SVIL: variants seen among roughly 807,000 people sequenced by gnomAD.
SVIL encodes the protein supervillin.
In SVIL, 101 loss-of-function variants were observed where a neutral mutation model predicts 240.4. The ratio of observed to expected loss-of-function variants is 0.42; its 90% CI spans 0.36 to 0.50. The LOEUF (loss-of-function observed/expected upper bound fraction) is 0.50, where lower values mean the gene tolerates loss of function less well. Ranked by LOEUF, SVIL falls within the 20% of genes least tolerant of loss-of-function variation. The pLI is 0.01. For synonymous variants in SVIL, 999 were observed against 1,100.0 expected (o/e 0.91, Z 1.82); for missense variants, 2,512 against 2,818.7 (o/e 0.89, Z 2.46).
At chr10:29,539,583 G>T (rs73596043) in intron 6 of SVIL, among the ~76,000 whole-genome samples, 2 of 152,266 alleles carry the variant, frequency 1.3e-5, no homozygotes, top group South Asian at 4.1e-4. Flanking sequence ...CAGTGAACAC[G>T]CTGTCCTGGG....
intron 36 of SVIL, among the ~76,000 whole-genome samples, chr10:29,459,095 C>T (rs1254566656): frequency 6.7e-6 from 1 of 149,598 alleles, no homozygotes; most frequent in Non-Finnish European, 1.5e-5. Flanking sequence ...CAGGTGTGAA[C>T]CACCACACTT....
At chr10:29,688,269 G>A (rs1009707373) in intron 1 of SVIL, among the ~76,000 whole-genome samples, 1 of 152,220 alleles carries the variant, frequency 6.6e-6, no homozygotes, top group Admixed American at 6.5e-5. Context: ...TCTCCCCTCA[G>A]GGGATGATTG....
At chr10:29,503,610 C>A (rs10826649) in intron 17 of SVIL, among the ~76,000 whole-genome samples, 60,015 of 152,124 alleles carry the variant, frequency 0.39, 12,700 homozygotes, top group African/African-American at 0.54. Flanking sequence ...AGCTGGGAAA[C>A]ATTGTTCAGA....
chr10:29,619,612 C>T (rs1276705750), intron 1 of SVIL, among the ~76,000 whole-genome samples: 1 of 139,470 alleles, frequency 7.2e-6, no homozygotes, highest in East Asian at 2.1e-4. Context: ...AGCTTCGTGG[C>T]AATATCTATT....
chr10:29,457,993 T>G lies in SVIL; in HGVS notation c.*254A>C. 1 of 357,338 alleles carries G rather than the reference T, an allele frequency of 2.8e-6. No homozygotes were observed. The allele number at this position is 357,338 out of a possible 1,614,324, so 22.1% of individuals were successfully genotyped here. A position where few individuals can be genotyped will look rare whatever the true frequency, so the allele number is the denominator to read the frequency against. ...AGTGCTATCTATAGCAGCTGCGGCT[T>G]AAGTGCACATAACAGATACTTTTAT... is the stretch of plus-strand genomic sequence containing the variant. On this transcript the variant is annotated 3_prime_UTR_variant, in exon 38 of 38. Transcript: ENST00000355867.
intron 29 of SVIL, among the ~76,000 whole-genome samples, chr10:29,480,045 C>A (rs1457212946): frequency 7.2e-5 from 11 of 152,180 alleles, no homozygotes; most frequent in Non-Finnish European, 1.3e-4. Flanking sequence ...AAGCACCACC[C>A]GTGCTCTCAG....
chr10:29,646,316 G>A (rs893402768), intron 3 of SVIL, among the ~76,000 whole-genome samples: 29 of 152,178 alleles, frequency 1.9e-4, no homozygotes, highest in African/African-American at 7.0e-4. Flanking sequence ...CTTTGGGAAA[G>A]ATTTTCCTCA....
chr10:29,519,307 T>C, intron 16 of SVIL, among the ~76,000 whole-genome samples: 1 of 151,906 alleles, frequency 6.6e-6, no homozygotes, highest in Non-Finnish European at 1.5e-5. Context: ...CAGGGGAGAG[T>C]TGGAGACGTG....
At chr10:29,531,731 T>C (rs1421531679) in intron 9 of SVIL, among the ~76,000 whole-genome samples, 1 of 152,230 alleles carries the variant, frequency 6.6e-6, no homozygotes, top group Non-Finnish European at 1.5e-5. Context: ...TAAAAAACAT[T>C]AAAACCATTA....
At chr10:29,497,907 C>A (rs1948571587) in intron 18 of SVIL, among the ~76,000 whole-genome samples, 1 of 148,812 alleles carries the variant, frequency 6.7e-6, no homozygotes. Flanking sequence ...CATGGCAAAA[C>A]CCCGTCTCTA....
intron 16 of SVIL, among the ~76,000 whole-genome samples, chr10:29,517,648 C>T (rs1463593542): frequency 6.6e-6 from 1 of 152,152 alleles, no homozygotes; most frequent in African/African-American, 2.4e-5. Flanking sequence ...GCGGGAAACA[C>T]AGGAGCCTCC....
intron 1 of SVIL, among the ~76,000 whole-genome samples, chr10:29,717,040 T>C (rs1199710976): frequency 1.3e-5 from 2 of 151,970 alleles, no homozygotes; most frequent in African/African-American, 4.8e-5. Context: ...CCATCCTGGC[T>C]AACATGGTGA....
chr10:29,731,204 T>C (rs1043937521), intron 1 of SVIL, among the ~76,000 whole-genome samples: 1 of 152,238 alleles, frequency 6.6e-6, no homozygotes, highest in Non-Finnish European at 1.5e-5. Flanking sequence ...CTGTTGTTTC[T>C]GAACTGCGAG....
At chr10:29,565,860 T>C (rs1385566190) in intron 2 of SVIL, among the ~76,000 whole-genome samples, 1 of 152,114 alleles carries the variant, frequency 6.6e-6, no homozygotes, top group Non-Finnish European at 1.5e-5. Context: ...TTCACTGTAC[T>C]CCAGCCTGGG....
At chr10:29,674,439 C>G (rs1960046065) in intron 2 of SVIL, among the ~76,000 whole-genome samples, 1 of 152,140 alleles carries the variant, frequency 6.6e-6, no homozygotes, top group African/African-American at 2.4e-5. Context: ...GAGGAGACAA[C>G]AGCAAAGCAA....
chr10:29,649,945 G>A (rs566116194), intron 3 of SVIL, among the ~76,000 whole-genome samples: 7 of 152,310 alleles, frequency 4.6e-5, no homozygotes, highest in African/African-American at 1.7e-4. Flanking sequence ...TGCTATAAAA[G>A]TGCGTACATT....
rs545048263 is a variant in SVIL, at chr10:29,463,572, T to C, written c.6197A>G (p.Asn2066Ser). The C allele has an allele frequency of 9.9e-6, 16 of 1,614,178 alleles. No individual in the cohort carries two copies. Among genetic ancestry groups the C allele is most frequent in the Non-Finnish European group, 8.5e-7 (1 of 1,180,024 alleles). Reference protein sequence around the residue: ...YLWQGWWPIENKITGSARIRW... With the variant: ...YLWQGWWPIESKITGSARIRW... ...GATGCGGGCGGAACCAGTGATCTTG[T>C]TCTCGATGGGCCACCAGCCTTGCCA... Residue 2066 changes from asparagine (N) to serine (S), a missense_variant, in exon 35 of 38, where the codon AAC becomes AGC. Around this residue, in one of 3 missense-constraint regions of SVIL, gnomAD observed 797 missense variants for 925.3 expected, o/e 0.86. Transcript: ENST00000355867.
intron 1 of SVIL, among the ~76,000 whole-genome samples, chr10:29,623,935 G>A (rs1957764703): frequency 6.6e-6 from 1 of 152,196 alleles, no homozygotes; most frequent in South Asian, 2.1e-4. Flanking sequence ...ACCGTAGTAT[G>A]TAGTGGGCTG....
intron 1 of SVIL, among the ~76,000 whole-genome samples, chr10:29,630,699 G>A (rs190191278): frequency 6.6e-6 from 1 of 151,938 alleles, no homozygotes; most frequent in East Asian, 1.9e-4. Context: ...AAACCCCATC[G>A]GACTTGTTAC....
Sources: allele counts gnomAD v4.1 joint callset (sites outside exome capture counted in the v4.1 genomes callset), GRCh38; gene constraint gnomAD v4.1.1; regional missense constraint gnomAD v4.1.1; transcripts MANE v1.5; gene names NCBI Gene and HGNC (gene_info 2026-07-23, HGNC 2026-07-21).